Variants in LIMCH1 observed in about 807,000 individuals in gnomAD.
The protein encoded by LIMCH1 is LIM and calponin homology domains 1, also known as LIM and calponin homology domains-containing protein 1.
LIMCH1 carries 113 observed loss-of-function variants against 176.5 expected under a neutral mutation model. The observed-to-expected ratio is 0.64, with a 90% CI of 0.55 to 0.75. The LOEUF (loss-of-function observed/expected upper bound fraction) is 0.75, where lower values mean the gene tolerates loss of function less well. Ranked by LOEUF, LIMCH1 falls within the 30% of genes least tolerant of loss-of-function variation. The pLI, the probability that LIMCH1 is intolerant of heterozygous loss-of-function variation, is 0.00. For missense variants in LIMCH1, 1,674 were observed against 1,814.9 expected (o/e 0.92, Z 1.41); for synonymous variants, 619 against 645.9 (o/e 0.96, Z 0.63).
At chr4:41,665,542 AC>A (rs915778544) in intron 20 of LIMCH1, among the ~76,000 whole-genome samples, 5 of 152,166 alleles carry the variant, frequency 3.3e-5, no homozygotes, top group Non-Finnish European at 7.3e-5. Context: ...TATTCTGAGG[AC>A]CAAATTAGGG....
At chr4:41,535,162 C>CAAA (rs61639965), upstream of LIMCH1, among the ~76,000 whole-genome samples, 138 of 83,818 alleles carry the variant, frequency 1.6e-3, no homozygotes, top group African/African-American at 3.2e-3. Flanking sequence ...GACCCTGTCA[C>CAAA]AAAAAAAAAA....
chr4:41,449,481 G>A (rs186356050), intron 1 of LIMCH1, among the ~76,000 whole-genome samples: 1 of 152,082 alleles, frequency 6.6e-6, no homozygotes, highest in Non-Finnish European at 1.5e-5. Flanking sequence ...AGGCCCCAGG[G>A]ATTGGACTTG....
chr4:41,451,898 T>C (rs2063932790), intron 1 of LIMCH1, among the ~76,000 whole-genome samples: 1 of 152,232 alleles, frequency 6.6e-6, no homozygotes, highest in Admixed American at 6.5e-5. Flanking sequence ...TTACCTTTTT[T>C]CCAGATGTCT....
At chr4:41,477,586 C>T (rs1308789267) in intron 1 of LIMCH1, among the ~76,000 whole-genome samples, 3 of 152,174 alleles carry the variant, frequency 2.0e-5, no homozygotes, top group Admixed American at 2.0e-4. Context: ...GCAGAGTAAT[C>T]TTAGAAAATG....
At chr4:41,513,753 C>T (rs918430294) in intron 2 of LIMCH1, among the ~76,000 whole-genome samples, 2 of 152,070 alleles carry the variant, frequency 1.3e-5, no homozygotes, top group East Asian at 3.9e-4. Context: ...GCCTGTAATC[C>T]CAGCACTTTG....
chr4:41,574,177 A>T (rs145056563), intron 1 of LIMCH1, among the ~76,000 whole-genome samples: 1 of 148,898 alleles, frequency 6.7e-6, no homozygotes, highest in African/African-American at 2.5e-5. Context: ...GAAAGATAAA[A>T]TGTGTTGAAG....
At chr4:41,446,408 C>T (rs1041407211) in intron 1 of LIMCH1, among the ~76,000 whole-genome samples, 4 of 152,168 alleles carry the variant, frequency 2.6e-5, no homozygotes, top group African/African-American at 9.7e-5. Flanking sequence ...AAGGGAAAGA[C>T]ATTCTCAGAG....
chr4:41,396,674 G>A (rs1048634621), intron 1 of LIMCH1, among the ~76,000 whole-genome samples: 8 of 152,156 alleles, frequency 5.3e-5, no homozygotes, highest in African/African-American at 1.9e-4. Context: ...GCCGAGGTGG[G>A]CAGATCACTT....
At chr4:41,382,538 T>C (rs568896742) in intron 1 of LIMCH1, among the ~76,000 whole-genome samples, 1 of 152,064 alleles carries the variant, frequency 6.6e-6, no homozygotes, top group Non-Finnish European at 1.5e-5. Flanking sequence ...GATGCATACA[T>C]AAGGCCTGAA....
At chr4:41,570,127 G>A (rs1022801811) in intron 1 of LIMCH1, among the ~76,000 whole-genome samples, 1 of 152,170 alleles carries the variant, frequency 6.6e-6, no homozygotes. Context: ...ACACAGAACG[G>A]TATCCTTGGC....
At position 41,638,936 on chromosome 4, in the gene LIMCH1, G is replaced by T. The variant is rs762741999; in HGVS notation, c.2095G>T (p.Gly699Cys). 1.9e-5 allele frequency: 31 copies of T among 1,603,656 alleles called. No individual in the cohort carries two copies. Among genetic ancestry groups the T allele is most frequent in the Non-Finnish European group, 2.5e-5 (29 of 1,176,504 alleles). The stretch of plus-strand genomic sequence containing the variant: ...ATTTTTTATTTGATCTTATAGATAC[G>T]GTCCGAGAACTCCTGTGTCTGATGA... ...KGLPMKDQRY[G>C]PRTPVSDDAE... is the part of the protein sequence containing the mutation. The change falls in exon 14 of 32, where the codon GGT becomes TGT. Residue 699 changes from glycine (G) to cysteine (C), a missense_variant. Physicochemically the swap from Gly to Cys is radical, Grantham distance 159. This residue lies in a region of LIMCH1 where 1,015 missense variants were observed against 1,102.5 expected (regional missense o/e 0.92). Coordinates refer to ENST00000503057, the MANE Select transcript of LIMCH1 (RefSeq NM_001330672.2).
rs185560806 is a variant in LIMCH1 at position 41,442,677 on chromosome 4, T to A, written c.97-51859T>A. On this transcript the variant is annotated intron_variant, in intron 1 of 26. Coordinates refer to the LIMCH1 transcript ENST00000313860. ...GACAAAGAAAAAGACTCTGTAACAC[T>A]CAGAAATCTAAATATAGCTTCACAC... 2.2e-3 allele frequency among the ~76,000 whole-genome samples: 341 copies of A among 152,314 alleles called. 1 individual carries two copies. The highest frequency in any genetic ancestry group is 2.2e-3 in the Non-Finnish European group (152 of 68,028).
chr4:41,556,949 G>A (rs976296842), intron 1 of LIMCH1, among the ~76,000 whole-genome samples: 3 of 152,178 alleles, frequency 2.0e-5, no homozygotes, highest in African/African-American at 4.8e-5. Context: ...ACAGCATCCA[G>A]CTAGGTTAAT....
At chr4:41,635,338 A>G (rs776777208) in intron 13 of LIMCH1, among the ~76,000 whole-genome samples, 1 of 151,104 alleles carries the variant, frequency 6.6e-6, no homozygotes, top group African/African-American at 2.4e-5. Context: ...AGCGATTCTT[A>G]TGCCTCAGCC....
chr4:41,593,341 T>TTTATG (rs1216648232), intron 1 of LIMCH1, among the ~76,000 whole-genome samples: 2 of 152,234 alleles, frequency 1.3e-5, no homozygotes, highest in Non-Finnish European at 2.9e-5. Context: ...TTTGAGGAAC[T>TTTATG]TTATGTTATG....
At chr4:41,524,525 A>T (rs779971965) in intron 3 of LIMCH1, 1 of 1,390,198 alleles carries the variant, frequency 7.2e-7, no homozygotes, top group Non-Finnish European at 1.0e-6. Flanking sequence ...CCTTTGCTCT[A>T]ACCTAGGGGT....
chr4:41,391,038 G>A (rs564786532), intron 1 of LIMCH1, among the ~76,000 whole-genome samples: 2 of 152,014 alleles, frequency 1.3e-5, no homozygotes, highest in Non-Finnish European at 2.9e-5. Flanking sequence ...TTTTTTTTCT[G>A]TCTACAATAC....
At chr4:41,633,123 GC>G in intron 12 of LIMCH1, 38 bp downstream of exon 12, 1 of 1,409,308 alleles carries the variant, frequency 7.1e-7, no homozygotes, top group Non-Finnish European at 9.7e-7. Flanking sequence ...GTGGTGTGTT[GC>G]CCCTGCTGTG....
At chr4:41,474,593 C>T (rs2067458115) in intron 1 of LIMCH1, among the ~76,000 whole-genome samples, 1 of 152,134 alleles carries the variant, frequency 6.6e-6, no homozygotes, top group Admixed American at 6.5e-5. Context: ...CCTCTAATCA[C>T]TAGAAAAATG....
Sources: gnomAD v4.1 joint callset for allele counts (sites outside exome capture counted in the v4.1 genomes callset) on GRCh38, gnomAD v4.1.1 for gene constraint, gnomAD v4.1.1 regional missense constraint, MANE v1.5 for transcripts, NCBI Gene and HGNC (gene_info 2026-07-23, HGNC 2026-07-21) for gene names.